Variants in OXR1 observed in about 807,000 individuals in gnomAD.
The protein encoded by OXR1 is oxidation resistance protein 1.
In OXR1, 41 loss-of-function variants were observed where a neutral mutation model predicts 104.6. That is an observed-to-expected ratio of 0.39 (90% CI 0.31 to 0.51). The LOEUF is 0.51. Among genes scored for constraint, OXR1 ranks in the 20% least tolerant of loss-of-function variants. The probability of loss-of-function intolerance (pLI) is 0.77; values close to 1 mark genes in which losing one functional copy is unlikely to be tolerated. For missense variants in OXR1, 955 were observed against 1,031.9 expected (o/e 0.93, Z 1.02); for synonymous variants, 348 against 348.4 (o/e 1.00, Z 0.01).
chr8:106,338,189 C>A (rs995082543), intron 1 of OXR1, among the ~76,000 whole-genome samples: 6 of 152,026 alleles, frequency 3.9e-5, no homozygotes, highest in Admixed American at 2.6e-4. Flanking sequence ...ATATGCAGTC[C>A]CAAGCAGACC....
At chr8:106,529,259 A>G (rs1563583643) in intron 3 of OXR1, among the ~76,000 whole-genome samples, 2 of 152,194 alleles carry the variant, frequency 1.3e-5, no homozygotes, top group African/African-American at 4.8e-5. Flanking sequence ...CTGACAGTCT[A>G]CATCTCCATG....
intron 3 of OXR1, among the ~76,000 whole-genome samples, chr8:106,547,002 T>G (rs1002391773): frequency 6.6e-6 from 1 of 152,196 alleles, no homozygotes; most frequent in Non-Finnish European, 1.5e-5. Context: ...GCAATTCTCC[T>G]GCCTCAGCCT....
chr8:106,504,978 G>T (rs1030824279), intron 2 of OXR1, among the ~76,000 whole-genome samples: 1 of 152,176 alleles, frequency 6.6e-6, no homozygotes, highest in African/African-American at 2.4e-5. Flanking sequence ...ATGCTCATTA[G>T]CACAATACCA....
At chr8:106,487,632 C>G (rs1252614465) in intron 2 of OXR1, among the ~76,000 whole-genome samples, 4 of 146,370 alleles carry the variant, frequency 2.7e-5, no homozygotes, top group Non-Finnish European at 4.5e-5. Flanking sequence ...TCCATGTGAT[C>G]TCATTGTTCA....
intron 1 of OXR1, among the ~76,000 whole-genome samples, chr8:106,335,627 TA>T (rs987837557): frequency 3.3e-5 from 5 of 152,014 alleles, no homozygotes; most frequent in Non-Finnish European, 4.4e-5. Context: ...GAAGAAAAAA[TA>T]AAAAAAATTT....
intron 3 of OXR1, among the ~76,000 whole-genome samples, chr8:106,546,357 A>T (rs544594107): frequency 1.3e-5 from 2 of 152,280 alleles, no homozygotes; most frequent in East Asian, 3.9e-4. Flanking sequence ...GATCTAACAC[A>T]GTGGACTTGT....
chr8:106,702,090 C>T (rs1830632334), intron 7 of OXR1, among the ~76,000 whole-genome samples: 1 of 152,140 alleles, frequency 6.6e-6, no homozygotes, highest in Admixed American at 6.5e-5. Flanking sequence ...ATGCCTAAGC[C>T]TCCCAAGTAG....
intron 3 of OXR1, among the ~76,000 whole-genome samples, chr8:106,672,102 A>G (rs977619209): frequency 1.8e-4 from 28 of 151,578 alleles, no homozygotes; most frequent in African/African-American, 6.5e-4. Context: ...ATATGTGGGG[A>G]AAAACCGGAG....
chr8:106,680,739 C>T (rs1229343322), intron 4 of OXR1, among the ~76,000 whole-genome samples: 1 of 151,996 alleles, frequency 6.6e-6, no homozygotes, highest in Non-Finnish European at 1.5e-5. Context: ...AACTTTTTTT[C>T]TATCCCTCCC....
chr8:106,404,166 T>A (rs1818119326), intron 2 of OXR1, among the ~76,000 whole-genome samples: 1 of 152,240 alleles, frequency 6.6e-6, no homozygotes. Flanking sequence ...CTGCTACCAC[T>A]GGGTGTGGAG....
At chr8:106,273,252 AAAAAG>A (rs760407772) in intron 1 of OXR1, among the ~76,000 whole-genome samples, 3 of 152,284 alleles carry the variant, frequency 2.0e-5, no homozygotes, top group Non-Finnish European at 4.4e-5. Context: ...AAGAAAAAAA[AAAAAG>A]AAGAAGAAGA....
intron 2 of OXR1, 92 bp from the exon 3 acceptor site, chr8:106,518,851 A>G: frequency 1.2e-6 from 1 of 853,956 alleles, no homozygotes; most frequent in South Asian, 2.0e-5. Context: ...TCAAGGTTAA[A>G]TATAACTCAA....
chr8:106,598,851 AAAAAT>A (rs1438077944), intron 3 of OXR1, among the ~76,000 whole-genome samples: 3 of 152,226 alleles, frequency 2.0e-5, no homozygotes, highest in Non-Finnish European at 4.4e-5. Flanking sequence ...GCCTCAGAAA[AAAAAT>A]AAAATAAAAC....
At chr8:106,572,613 C>T (rs1197171734) in intron 3 of OXR1, among the ~76,000 whole-genome samples, 2 of 152,144 alleles carry the variant, frequency 1.3e-5, no homozygotes, top group African/African-American at 4.8e-5. Context: ...CAAGTTCTAA[C>T]TTTCACAAAA....
chr8:106,493,750 C>T (rs1270195681), intron 2 of OXR1, among the ~76,000 whole-genome samples: 1 of 152,010 alleles, frequency 6.6e-6, no homozygotes, highest in African/African-American at 2.4e-5. Flanking sequence ...TTACATTCTA[C>T]ATTTATATTT....
chr8:106,365,425 G>C (rs1255830182), intron 2 of OXR1, among the ~76,000 whole-genome samples: 2 of 144,080 alleles, frequency 1.4e-5, no homozygotes, highest in African/African-American at 5.2e-5. Context: ...AAATAACCTA[G>C]GAAGAGAAAA....
At chr8:106,507,279 A>G (rs1376070870) in intron 2 of OXR1, among the ~76,000 whole-genome samples, 2 of 152,180 alleles carry the variant, frequency 1.3e-5, no homozygotes, top group Non-Finnish European at 2.9e-5. Context: ...TATCCCTCCT[A>G]TAGACTATTG....
chr8:106,357,276 G>A (rs911154704), intron 1 of OXR1, among the ~76,000 whole-genome samples: 1 of 151,692 alleles, frequency 6.6e-6, no homozygotes, highest in Non-Finnish European at 1.5e-5. Context: ...AGGCAATACA[G>A]CTTGGAAACT....
intron 1 of OXR1, among the ~76,000 whole-genome samples, chr8:106,299,474 T>C (rs1398343624): frequency 6.6e-6 from 1 of 152,094 alleles, no homozygotes; most frequent in Non-Finnish European, 1.5e-5. Flanking sequence ...TGGTGGGTGT[T>C]GAATGTGTTG....
Sources: allele counts gnomAD v4.1 joint callset (sites outside exome capture counted in the v4.1 genomes callset), GRCh38; gene constraint gnomAD v4.1.1; transcripts MANE v1.5; gene names NCBI Gene and HGNC (gene_info 2026-07-23, HGNC 2026-07-21).